FNDC3B: variants seen among roughly 807,000 people sequenced by gnomAD.
FNDC3B encodes the protein fibronectin type III domain containing 3B.
Under a neutral mutation model 151.5 loss-of-function variants are expected in FNDC3B, and 12 were observed. The ratio of observed to expected loss-of-function variants is 0.08; its 90% CI spans 0.05 to 0.13. The LOEUF is 0.13. FNDC3B is among the 10% of genes least tolerant of loss of function. The probability of loss-of-function intolerance (pLI) is 1.00; values close to 1 mark genes in which losing one functional copy is unlikely to be tolerated. For synonymous variants in FNDC3B, 528 were observed against 549.0 expected, an observed-to-expected ratio of 0.96 and a Z score of 0.54; for missense variants, 1,214 against 1,505.3, an observed-to-expected ratio of 0.81 and a Z score of 3.20.
intron 16 of FNDC3B, among the ~76,000 whole-genome samples, chr3:172,339,123 G>A (rs892037332): frequency 1.3e-5 from 2 of 152,154 alleles, no homozygotes; most frequent in African/African-American, 4.8e-5. Flanking sequence ...CAGTGCTGAT[G>A]TGTGGCTGGC....
rs970196415 is a variant in FNDC3B at position 172,352,936 on chromosome 3, C to T, written c.2648C>T (p.Ser883Phe). Residue 883 changes from serine (S) to phenylalanine (F), a missense_variant, in exon 22 of 26, where the codon TCT (serine) becomes TTT (phenylalanine). Around this residue, in one of 7 missense-constraint regions of FNDC3B, gnomAD observed 380 missense variants for 420.9 expected, o/e 0.90. Transcript: ENST00000415807. This position sits in a 1 kb window ranked among gnomAD's most constrained non-coding sequence, Gnocchi z 4.2. ...EPLDAYPDSPSACLVLNWEEP... is the reference protein window; with the variant it reads ...EPLDAYPDSPFACLVLNWEEP... ...CTTGATGCCTACCCTGATTCACCTT[C>T]TGCGTGCCTTGTACTGAACTGGGAA... 1.2e-6 allele frequency: 2 copies of T among 1,614,094 alleles called. No homozygotes were observed. The highest frequency in any genetic ancestry group is 1.3e-5 in the African/African-American group (1 of 74,936).
intron 1 of FNDC3B, among the ~76,000 whole-genome samples, chr3:172,041,357 C>A (rs1716038110): frequency 8.3e-6 from 1 of 121,156 alleles, no homozygotes; most frequent in Non-Finnish European, 1.8e-5. Context: ...TTTTAAAAAT[C>A]GTTTTCTTTC....
intron 3 of FNDC3B, among the ~76,000 whole-genome samples, chr3:172,175,185 A>C (rs994450188): frequency 6.6e-6 from 1 of 151,974 alleles, no homozygotes; most frequent in Non-Finnish European, 1.5e-5. Context: ...GTAATAGAGA[A>C]GCTAGTTGAT....
intron 2 of FNDC3B, among the ~76,000 whole-genome samples, chr3:172,117,608 G>A (rs1012607978): frequency 4.6e-5 from 7 of 152,182 alleles, no homozygotes; most frequent in Admixed American, 6.5e-5. Flanking sequence ...TTAATTTAAC[G>A]TGATACTTAT....
At chr3:172,260,822 A>G (rs184536882) in intron 6 of FNDC3B, among the ~76,000 whole-genome samples, 59 of 151,596 alleles carry the variant, frequency 3.9e-4, no homozygotes, top group Middle Eastern at 6.8e-3. Flanking sequence ...TTTCCCTGTC[A>G]CCTCTCTGGT....
At chr3:172,253,684 C>T (rs1327312707) in intron 6 of FNDC3B, among the ~76,000 whole-genome samples, 2 of 152,114 alleles carry the variant, frequency 1.3e-5, no homozygotes, top group East Asian at 1.9e-4. Flanking sequence ...ATATACCTAA[C>T]CATAACATGT....
chr3:172,234,380 A>AT (rs1727034145), intron 4 of FNDC3B, among the ~76,000 whole-genome samples: 1 of 152,250 alleles, frequency 6.6e-6, no homozygotes, highest in Non-Finnish European at 1.5e-5. Context: ...TACCCAGCAC[A>AT]TAATAGGCAT....
In FNDC3B at chr3:172,352,696, T is replaced by A. The variant is rs1733914335; in HGVS notation, c.2515-107T>A. On this transcript the variant is annotated intron_variant, in intron 21 of 25. Transcript: ENST00000415807. The surrounding 1 kb of genome is among the most constrained non-coding windows in gnomAD (Gnocchi z 4.2). ...TCTAGGATTTATTTCTACCTGCATA[T>A]GTGGAAATGTGTACTACTTTAGATT... 3.7e-6 allele frequency: 4 copies of A among 1,079,380 alleles called. No homozygotes were observed. The South Asian group carries it at 6.3e-5, about 17-fold the overall frequency. The allele number at this position is 1,079,380 out of a possible 1,614,324, so 66.9% of individuals were successfully genotyped here.
At chr3:172,227,804 C>T (rs1186163739) in intron 4 of FNDC3B, among the ~76,000 whole-genome samples, 1 of 152,148 alleles carries the variant, frequency 6.6e-6, no homozygotes, top group Non-Finnish European at 1.5e-5. Context: ...TTATATCCTT[C>T]CAGATGGATT....
At chr3:172,195,959 A>G (rs1576787224) in intron 3 of FNDC3B, among the ~76,000 whole-genome samples, 2 of 152,220 alleles carry the variant, frequency 1.3e-5, no homozygotes, top group African/African-American at 4.8e-5. Flanking sequence ...GGATTAAATG[A>G]GATTATATGA....
At position 172,398,723 on chromosome 3, in the gene FNDC3B, CTG is replaced by C. The variant is rs1173006001; in HGVS notation, c.*1251_*1252del. On this transcript the variant is annotated 3_prime_UTR_variant, in exon 26 of 26. Coordinates refer to ENST00000415807, the MANE Select transcript of FNDC3B (RefSeq NM_022763.4). Reference sequence around the variant, plus strand: ...GACCTGAACACGTCACTTTACCTCTCTGTGCCTCAGTTTTCCCATGCATGAAA... The same window carrying C: ...GACCTGAACACGTCACTTTACCTCTCTGCCTCAGTTTTCCCATGCATGAAA... 2.6e-5 allele frequency: 4 copies of C among 152,184 alleles called. No individual in the cohort carries two copies. Among genetic ancestry groups the C allele is most frequent in the African/African-American group, 9.7e-5 (4 of 41,428 alleles). 9.4% of individuals were successfully genotyped at this position (152,184 alleles called of 1,614,324 possible).
At chr3:172,298,694 G>C in intron 8 of FNDC3B, 34 bp from the exon 9 acceptor site, 1 of 1,535,482 alleles carries the variant, frequency 6.5e-7, no homozygotes, top group Non-Finnish European at 8.9e-7. Context: ...TTTGAAACTG[G>C]AATTAGCAAC....
At chr3:172,337,681 T>A in intron 16 of FNDC3B, 2 of 383,210 alleles carry the variant, frequency 5.2e-6, no homozygotes, top group Non-Finnish European at 9.5e-6. Flanking sequence ...GTTTCTTTGG[T>A]TTGGTTTGTT....
At chr3:172,050,922 TCTC>T (rs879741934) in intron 1 of FNDC3B, among the ~76,000 whole-genome samples, 9 of 152,040 alleles carry the variant, frequency 5.9e-5, no homozygotes, top group Non-Finnish European at 1.3e-4. Flanking sequence ...AGAGTCATGG[TCTC>T]CTCATATCCA....
rs192150538 is a variant in FNDC3B, at chr3:172,267,004, C to T, written c.790+15463C>T. 1.4e-4 allele frequency among the ~76,000 whole-genome samples: 21 copies of T among 152,266 alleles called. 1 individual carries two copies. In the East Asian group the frequency reaches 3.5e-3, roughly 25 times the overall value. On this transcript the variant is annotated intron_variant, in intron 6 of 25. Transcript: ENST00000415807. ...TCCACAACATCTACTACCTACTATC[C>T]GCTATATGCTTTTTAGTGAGCTGCA...
At chr3:172,174,291 T>C (rs559448773) in intron 3 of FNDC3B, among the ~76,000 whole-genome samples, 2 of 152,302 alleles carry the variant, frequency 1.3e-5, no homozygotes, top group African/African-American at 4.8e-5. Context: ...CAGAAATAAT[T>C]TGGTTTCTGC....
intron 4 of FNDC3B, among the ~76,000 whole-genome samples, chr3:172,231,651 A>G (rs910265649): frequency 2.0e-5 from 3 of 152,150 alleles, no homozygotes; most frequent in Non-Finnish European, 2.9e-5. Context: ...CTGTCTTTAC[A>G]TATGAGGATG....
intron 3 of FNDC3B, chr3:172,134,230 C>A (rs143337500): frequency 6.8e-6 from 3 of 438,644 alleles, no homozygotes; most frequent in Non-Finnish European, 1.4e-5. Context: ...TCCTAGCACA[C>A]TTCTAGTGTG....
intron 11 of FNDC3B, among the ~76,000 whole-genome samples, chr3:172,325,299 G>A (rs1164114228): frequency 6.6e-6 from 1 of 152,136 alleles, no homozygotes; most frequent in African/African-American, 2.4e-5. Flanking sequence ...TTAAAGGCGG[G>A]AACGTGCCAT....
Sources: allele counts gnomAD v4.1 joint callset (sites outside exome capture counted in the v4.1 genomes callset), GRCh38; gene constraint gnomAD v4.1.1; regional missense constraint gnomAD v4.1.1; non-coding constraint Gnocchi (gnomAD v3.1); transcripts MANE v1.5; gene names NCBI Gene and HGNC (gene_info 2026-07-23, HGNC 2026-07-21).